Variants in OTUD7A observed in about 807,000 individuals in gnomAD.
OTUD7A encodes the protein OTU deubiquitinase 7A, also known as OTU domain-containing protein 7A.
A neutral mutation model predicts 65.7 loss-of-function variants in OTUD7A; 12 were observed. The observed-to-expected ratio is 0.18, with a 90% confidence interval of 0.12 to 0.30. OTUD7A has a LOEUF of 0.30. OTUD7A is among the 10% of genes least tolerant of loss of function. The pLI is 1.00. For missense variants in OTUD7A, 1,148 were observed against 1,304.8 expected, an observed-to-expected ratio of 0.88 and a Z score of 1.85; for synonymous variants, 641 against 586.3, an observed-to-expected ratio of 1.09 and a Z score of -1.35.
intron 3 of OTUD7A, among the ~76,000 whole-genome samples, chr15:31,601,962 A>G (rs1308466130): frequency 1.3e-5 from 2 of 152,320 alleles, no homozygotes; most frequent in East Asian, 3.9e-4. Flanking sequence ...GCAGTAATTA[A>G]TAGCCTACCA....
chr15:31,709,850 C>G (rs2654063), intron 1 of OTUD7A, among the ~76,000 whole-genome samples: 1 of 151,954 alleles, frequency 6.6e-6, no homozygotes, highest in African/African-American at 2.4e-5. Flanking sequence ...TACACACACA[C>G]AAGTGTGTGT....
chr15:31,538,012 C>A lies in OTUD7A; in HGVS notation c.551-7204G>T, dbSNP rs62004119. ...TTCAGGCAAGCCTCCTTGCCTGCCC[C>A]ATGGGGCAACGTGCAAATGTTCATA... On this transcript the variant is annotated intron_variant, in intron 5 of 12. Coordinates refer to ENST00000307050, the MANE Select transcript of OTUD7A (RefSeq NM_001382637.1). Among the ~76,000 whole-genome samples, 1,068 of 152,366 alleles carry A rather than the reference C, an allele frequency of 7.0e-3. 5 individuals carry two copies. Among genetic ancestry groups the A allele is most frequent in the Admixed American group, 0.011 (169 of 15,312 alleles).
chr15:31,792,972 C>T (rs747964598), intron 1 of OTUD7A, among the ~76,000 whole-genome samples: 1 of 152,136 alleles, frequency 6.6e-6, no homozygotes, highest in African/African-American at 2.4e-5. Context: ...TCCTCCTCAC[C>T]GCCGGCCACG....
chr15:31,792,861 A>C (rs73380530), intron 1 of OTUD7A, among the ~76,000 whole-genome samples: 2,574 of 151,772 alleles, frequency 0.017, 75 homozygotes, highest in African/African-American at 0.058. Context: ...TTCTGTGCAG[A>C]CCCCAGGGTG....
chr15:31,616,428 A>T (rs1197588396), intron 3 of OTUD7A, among the ~76,000 whole-genome samples: 1 of 152,240 alleles, frequency 6.6e-6, no homozygotes, highest in Non-Finnish European at 1.5e-5. Context: ...ATATGTGAAA[A>T]GAAGAGGCTG....
chr15:31,685,047 A>G (rs1892804313), intron 1 of OTUD7A, among the ~76,000 whole-genome samples: 1 of 152,134 alleles, frequency 6.6e-6, no homozygotes, highest in Non-Finnish European at 1.5e-5. Flanking sequence ...TTGATTCCAA[A>G]CTTGAAAAAG....
At chr15:31,843,045 C>A (rs1286529883) in intron 1 of OTUD7A, among the ~76,000 whole-genome samples, 1 of 152,044 alleles carries the variant, frequency 6.6e-6, no homozygotes, top group East Asian at 1.9e-4. Context: ...AGACCCTAGT[C>A]CCCATCCCAC....
At chr15:31,718,840 C>T (rs890781381) in intron 1 of OTUD7A, among the ~76,000 whole-genome samples, 19 of 150,396 alleles carry the variant, frequency 1.3e-4, no homozygotes, top group African/African-American at 4.4e-4. Flanking sequence ...TCTTTATTAT[C>T]CTTCTAAGGC....
At chr15:31,720,525 C>A (rs1182955405) in intron 1 of OTUD7A, among the ~76,000 whole-genome samples, 4 of 151,794 alleles carry the variant, frequency 2.6e-5, no homozygotes, top group Non-Finnish European at 4.4e-5. Flanking sequence ...CTCAGCCTCC[C>A]GAGTAGCTGG....
At chr15:31,811,276 T>C (rs1896407447) in intron 1 of OTUD7A, among the ~76,000 whole-genome samples, 2 of 152,136 alleles carry the variant, frequency 1.3e-5, no homozygotes, top group Middle Eastern at 3.4e-3. Context: ...AAATGAATTA[T>C]TGAGACCTTT....
chr15:31,772,325 A>C (rs1012791269), intron 1 of OTUD7A, among the ~76,000 whole-genome samples: 17 of 152,230 alleles, frequency 1.1e-4, no homozygotes, highest in Non-Finnish European at 2.2e-4. Context: ...CCTCTGATAG[A>C]CTAAAACTGC....
chr15:31,726,774 T>A (rs1473330843), intron 1 of OTUD7A, among the ~76,000 whole-genome samples: 1 of 152,194 alleles, frequency 6.6e-6, no homozygotes, highest in Non-Finnish European at 1.5e-5. Context: ...TTCTCAATGT[T>A]AGAAGTGACG....
intron 3 of OTUD7A, among the ~76,000 whole-genome samples, chr15:31,573,065 A>T (rs1053105792): frequency 2.0e-5 from 3 of 152,210 alleles, no homozygotes; most frequent in African/African-American, 7.2e-5. Flanking sequence ...TAGTATAGCC[A>T]ATACCAACAT....
At chr15:31,601,689 A>T (rs1890080825) in intron 3 of OTUD7A, among the ~76,000 whole-genome samples, 1 of 152,172 alleles carries the variant, frequency 6.6e-6, no homozygotes, top group Non-Finnish European at 1.5e-5. Context: ...TTTTGAAAAG[A>T]TCAACAAAAT....
chr15:31,557,691 A>G (rs748057945), intron 5 of OTUD7A: 7 of 152,080 alleles, frequency 4.6e-5, no homozygotes, highest in Non-Finnish European at 7.3e-5. Context: ...CAGTCCCTTT[A>G]TGGAGTCCTT....
intron 3 of OTUD7A, among the ~76,000 whole-genome samples, chr15:31,618,744 T>TA (rs2141232685): frequency 6.6e-6 from 1 of 152,320 alleles, no homozygotes; most frequent in East Asian, 1.9e-4. Flanking sequence ...ACTCTGATGG[T>TA]AGTTTCTTTT....
chr15:31,553,990 C>T (rs1025655393), intron 5 of OTUD7A, among the ~76,000 whole-genome samples: 5 of 152,182 alleles, frequency 3.3e-5, no homozygotes, highest in African/African-American at 1.2e-4. Flanking sequence ...CCCTAGCGCC[C>T]GGCTCCCATT....
chr15:31,805,132 G>A (rs915630440), intron 1 of OTUD7A, among the ~76,000 whole-genome samples: 28 of 152,306 alleles, frequency 1.8e-4, no homozygotes, highest in Admixed American at 1.3e-3. Context: ...GCAACAGGTC[G>A]GGTGAGTTAG....
At chr15:31,537,998 C>T (rs1887860985) in intron 5 of OTUD7A, among the ~76,000 whole-genome samples, 1 of 152,238 alleles carries the variant, frequency 6.6e-6, no homozygotes, top group African/African-American at 2.4e-5. Context: ...TCAGGCAAGC[C>T]TCCTTGCCTG....
Sources: allele counts gnomAD v4.1 joint callset (sites outside exome capture counted in the v4.1 genomes callset), GRCh38; gene constraint gnomAD v4.1.1; transcripts MANE v1.5; gene names NCBI Gene and HGNC (gene_info 2026-07-23, HGNC 2026-07-21).